Variants in WHRN observed in about 807,000 individuals in gnomAD.
The protein encoded by WHRN is CASK-interacting protein CIP98.
A neutral mutation model predicts 68.3 loss-of-function variants in WHRN; 41 were observed. The observed-to-expected ratio is 0.60, with a 90% CI of 0.47 to 0.78. The LOEUF (loss-of-function observed/expected upper bound fraction) is 0.78. Ranked by LOEUF, WHRN falls within the 30% of genes least tolerant of loss-of-function variation. The pLI is 0.00. For synonymous variants in WHRN, 560 were observed against 561.3 expected (o/e 1.00, Z 0.03); for missense variants, 1,243 against 1,244.7 (o/e 1.00, Z 0.02).
chr9:114,437,312 T>A (rs573958000), intron 3 of WHRN, among the ~76,000 whole-genome samples: 1 of 151,978 alleles, frequency 6.6e-6, no homozygotes, highest in East Asian at 1.9e-4. Flanking sequence ...AGAGAAAAAA[T>A]AGATAAGTTC....
intron 3 of WHRN, among the ~76,000 whole-genome samples, chr9:114,442,996 T>A (rs1370167740): frequency 1.3e-5 from 2 of 152,134 alleles, no homozygotes; most frequent in African/African-American, 4.8e-5. Context: ...GTGAGGAGTA[T>A]CAGACATCAG....
chr9:114,466,167 C>G, intron 3 of WHRN, 100 bp downstream of exon 3: 1 of 1,579,810 alleles, frequency 6.3e-7, no homozygotes, highest in Admixed American at 1.7e-5. Context: ...TGGGACCAGT[C>G]CTCAAGGTGG....
intron 3 of WHRN, among the ~76,000 whole-genome samples, chr9:114,438,585 T>G (rs1186216346): frequency 2.6e-5 from 4 of 151,746 alleles, no homozygotes; most frequent in African/African-American, 4.8e-5. Flanking sequence ...CCCGAGTAGC[T>G]GGGACTACAG....
intron 3 of WHRN, among the ~76,000 whole-genome samples, chr9:114,445,580 C>T (rs975047704): frequency 6.6e-6 from 1 of 152,130 alleles, no homozygotes. Flanking sequence ...GGGAGACAAG[C>T]CATAGCACAG....
At chr9:114,478,858 T>C (rs1351128434) in intron 1 of WHRN, 87 bp from the exon 2 acceptor site, 20 of 1,307,538 alleles carry the variant, frequency 1.5e-5, no homozygotes, top group Non-Finnish European at 2.0e-5. Flanking sequence ...CCTTGGTTTT[T>C]CTCAGGAGCC....
intron 1 of WHRN, among the ~76,000 whole-genome samples, chr9:114,485,830 C>T (rs1266906613): frequency 3.9e-5 from 6 of 151,900 alleles, no homozygotes; most frequent in South Asian, 2.1e-4. Context: ...CATGGTGAGA[C>T]GCCACAAAAA....
At chr9:114,484,928 G>T (rs925162707) in intron 1 of WHRN, among the ~76,000 whole-genome samples, 2 of 152,116 alleles carry the variant, frequency 1.3e-5, no homozygotes, top group African/African-American at 4.8e-5. Flanking sequence ...GACTGGAGAG[G>T]GTCACAGTGT....
intron 3 of WHRN, among the ~76,000 whole-genome samples, chr9:114,461,966 G>GTA: frequency 6.6e-6 from 1 of 152,318 alleles, no homozygotes; most frequent in African/African-American, 2.4e-5. Flanking sequence ...GGAGTCATGA[G>GTA]TATATATACT....
At chr9:114,487,204 T>G (rs1319634561) in intron 1 of WHRN, among the ~76,000 whole-genome samples, 16 of 142,122 alleles carry the variant, frequency 1.1e-4, no homozygotes, top group African/African-American at 3.9e-4. Flanking sequence ...TTTTTTTTTT[T>G]GTCTAACAAG....
At chr9:114,416,922 T>C (rs1835858141) in intron 7 of WHRN, among the ~76,000 whole-genome samples, 1 of 152,198 alleles carries the variant, frequency 6.6e-6, no homozygotes, top group Non-Finnish European at 1.5e-5. Flanking sequence ...ACAAAGCTAC[T>C]ACTCTGGAAA....
chr9:114,424,542 C>G lies in WHRN; in HGVS notation c.1208G>C (p.Gly403Ala). ...DLTTEGINKP[G>A]FYKGPAGSQV... Reference sequence around the variant, plus strand: ...GGAGCCGGCTGGGCCCTTGTAAAATCCTGGCTGCAAGACAGAAAGATAGAA... The same window carrying G: ...GGAGCCGGCTGGGCCCTTGTAAAATGCTGGCTGCAAGACAGAAAGATAGAA... The change falls in exon 6 of 12, where the codon GGA becomes GCA. Residue 403 changes from glycine to alanine, a missense_variant. By Grantham distance (60) the Gly-to-Ala change is moderately conservative. Coordinates refer to ENST00000362057, the MANE Select transcript of WHRN (RefSeq NM_015404.4). 6.2e-7 allele frequency: 1 copy of G among 1,610,968 alleles called. No individual in the cohort carries two copies. Among genetic ancestry groups the G allele is most frequent in the Non-Finnish European group, 8.5e-7 (1 of 1,178,584 alleles).
intron 2 of WHRN, among the ~76,000 whole-genome samples, chr9:114,466,960 T>C (rs1007312363): frequency 6.7e-6 from 1 of 150,264 alleles, no homozygotes; most frequent in African/African-American, 2.5e-5. Context: ...CAGGGTCTCC[T>C]GTCTCCCCAA....
At chr9:114,425,077 C>A in intron 4 of WHRN, 53 bp from the exon 5 acceptor site, 1 of 1,587,924 alleles carries the variant, frequency 6.3e-7, no homozygotes, top group Non-Finnish European at 8.6e-7. Flanking sequence ...ATCAAATGGG[C>A]GTGGGCAAGG....
intron 3 of WHRN, among the ~76,000 whole-genome samples, chr9:114,460,838 A>G (rs1382434262): frequency 2.0e-5 from 3 of 152,254 alleles, no homozygotes; most frequent in Non-Finnish European, 4.4e-5. Flanking sequence ...CCCTATTTAC[A>G]AATAAAACCT....
chr9:114,434,257 G>A (rs1000742666), intron 3 of WHRN, among the ~76,000 whole-genome samples: 1 of 152,192 alleles, frequency 6.6e-6, no homozygotes. Context: ...GAGGCTCAGA[G>A]AGGTGAAGCT....
rs145985595 is a variant in WHRN, at chr9:114,505,005, G to C, written c.-204C>G. On this transcript the variant is annotated 5_prime_UTR_variant, in exon 1 of 12. Coordinates refer to ENST00000362057, the MANE Select transcript of WHRN (RefSeq NM_015404.4). ...AGTCCCGGAGGCGCGAAGACGGCGG[G>C]GGTCGCGAACCTGGAATCCGGGGGA... is the stretch of plus-strand genomic sequence containing the variant. 4,725 of 706,626 alleles carry C rather than the reference G, an allele frequency of 6.7e-3. 184 individuals carry two copies. The African/African-American group carries it at 0.08, about 12-fold the overall frequency. The allele number at this position is 706,626 out of a possible 1,614,324, so 43.8% of individuals were successfully genotyped here.
chr9:114,426,010 G>A, intron 4 of WHRN: 1 of 668,620 alleles, frequency 1.5e-6, no homozygotes, highest in South Asian at 1.7e-5. Context: ...GTTGGATGGT[G>A]TATTTCAGCT....
intron 1 of WHRN, among the ~76,000 whole-genome samples, chr9:114,481,147 G>A (rs924056235): frequency 6.6e-5 from 10 of 152,182 alleles, no homozygotes; most frequent in Non-Finnish European, 1.3e-4. Flanking sequence ...TAGACCCTGG[G>A]CTGAGCTTTC....
At chr9:114,504,075 C>T in intron 1 of WHRN, 109 bp downstream of exon 1, 1 of 1,523,630 alleles carries the variant, frequency 6.6e-7, no homozygotes, top group Non-Finnish European at 8.8e-7. Flanking sequence ...AAAAAAAAGC[C>T]CAGAAAGGCC....
Sources: gnomAD v4.1 joint callset for allele counts (sites outside exome capture counted in the v4.1 genomes callset) on GRCh38, gnomAD v4.1.1 for gene constraint, MANE v1.5 for transcripts, NCBI Gene and HGNC (gene_info 2026-07-23, HGNC 2026-07-21) for gene names.